PAWR: variants seen among roughly 807,000 people sequenced by gnomAD.
PAWR encodes PRKC apoptosis WT1 regulator protein.
PAWR carries 23 observed loss-of-function variants against 32.0 expected under a neutral mutation model. The observed-to-expected ratio is 0.72, with a 90% CI of 0.52 to 1.02. The LOEUF (loss-of-function observed/expected upper bound fraction) is 1.02. Among genes scored for constraint, PAWR ranks in the 50% least tolerant of loss-of-function variants. PAWR has a pLI of 0.00. For missense variants in PAWR, 457 were observed against 437.7 expected, an observed-to-expected ratio of 1.04 and a Z score of -0.39; for synonymous variants, 226 against 187.1, an observed-to-expected ratio of 1.21 and a Z score of -1.70.
chr12:79,651,158 G>A (rs1332189772), intron 2 of PAWR, among the ~76,000 whole-genome samples: 1 of 152,056 alleles, frequency 6.6e-6, no homozygotes, highest in Non-Finnish European at 1.5e-5. Context: ...CTAGTATCTA[G>A]GAAATGCATA....
intron 2 of PAWR, among the ~76,000 whole-genome samples, chr12:79,637,722 TCA>T (rs932351910): frequency 5.3e-5 from 8 of 151,684 alleles, no homozygotes; most frequent in African/African-American, 1.9e-4. Context: ...ACACCAACAC[TCA>T]CACACATACA....
At chr12:79,689,653 T>A in intron 2 of PAWR, 76 bp downstream of exon 2, 1 of 1,471,298 alleles carries the variant, frequency 6.8e-7, no homozygotes, top group Non-Finnish European at 9.0e-7. Flanking sequence ...GCGCCCCGGG[T>A]AGCTCCCAGG....
chr12:79,633,136 A>G (rs564821271), intron 2 of PAWR, among the ~76,000 whole-genome samples: 1 of 152,212 alleles, frequency 6.6e-6, no homozygotes, highest in East Asian at 1.9e-4. Context: ...AAAACAAACA[A>G]ACAAACAAAC....
intron 2 of PAWR, among the ~76,000 whole-genome samples, chr12:79,656,432 G>GC (rs760948343): frequency 6.6e-6 from 1 of 152,178 alleles, no homozygotes; most frequent in Non-Finnish European, 1.5e-5. Context: ...GTGAATGGAT[G>GC]CGTAACATGG....
chr12:79,601,061 G>GA (rs1873942668), intron 4 of PAWR, among the ~76,000 whole-genome samples: 1 of 152,048 alleles, frequency 6.6e-6, no homozygotes, highest in Non-Finnish European at 1.5e-5. Flanking sequence ...AGAGAAGGTT[G>GA]AAACGTAAAA....
At position 79,587,153 on chromosome 12, in the gene PAWR, G is replaced by A. The variant is rs186129572; in HGVS notation, c.*5454C>T. 6.6e-6 allele frequency: 1 copy of A among 152,150 alleles called. No homozygotes were observed. The highest frequency in any genetic ancestry group is 6.5e-5 in the Admixed American group (1 of 15,276). The allele number at this position is 152,150 out of a possible 1,614,324, so 9.4% of individuals were successfully genotyped here. A position where few individuals can be genotyped will look rare whatever the true frequency, so the allele number is the denominator to read the frequency against. ...GGTTCCATTTCATGTAAGATTATGT[G>A]ACCTTGGAAAAATTTACTGGCTTGC... On this transcript the variant is annotated 3_prime_UTR_variant, in exon 7 of 7. Transcript: ENST00000328827.
intron 2 of PAWR, among the ~76,000 whole-genome samples, chr12:79,653,049 G>C (rs1002395614): frequency 1.3e-5 from 2 of 152,068 alleles, no homozygotes; most frequent in Non-Finnish European, 2.9e-5. Context: ...TTATTTGTTT[G>C]TTTGTTTTTT....
At chr12:79,596,158 A>C (rs1261420022) in intron 5 of PAWR, among the ~76,000 whole-genome samples, 1 of 152,200 alleles carries the variant, frequency 6.6e-6, no homozygotes, top group African/African-American at 2.4e-5. Context: ...ATTTATGCCA[A>C]GAGTCATCTG....
At chr12:79,600,678 C>T (rs1027535391) in intron 4 of PAWR, among the ~76,000 whole-genome samples, 6 of 120,880 alleles carry the variant, frequency 5.0e-5, no homozygotes, top group Non-Finnish European at 4.8e-5. Flanking sequence ...TTTGTAGAGA[C>T]GTGTCTTACT....
At chr12:79,610,306 CTG>C (rs1340409346) in intron 4 of PAWR, among the ~76,000 whole-genome samples, 1 of 152,156 alleles carries the variant, frequency 6.6e-6, no homozygotes, top group Non-Finnish European at 1.5e-5. Context: ...GTGAACAAAA[CTG>C]TATATAAGCA....
Position 79,623,352 on chromosome 12 carries a change from T to G in PAWR, c.517-2145A>C, listed in dbSNP as rs564017603. 5.9e-5 allele frequency among the ~76,000 whole-genome samples: 9 copies of G among 152,310 alleles called. No individual in the cohort carries two copies. In the East Asian group the frequency reaches 1.7e-3, roughly 29 times the overall value. On this transcript the variant is annotated intron_variant, in intron 2 of 6. Transcript: ENST00000328827. ...TAAAGTAAAATCAGACTCAAGACAT[T>G]GATGTCCACTATTAACATAATTGTT...
chr12:79,598,505 T>A (rs1189444500), intron 4 of PAWR, among the ~76,000 whole-genome samples: 1 of 152,220 alleles, frequency 6.6e-6, no homozygotes, highest in African/African-American at 2.4e-5. Context: ...CCATTTCCAA[T>A]AATTTATCCA....
At chr12:79,601,207 ATTTTTTTTTTT>A (rs534042888) in intron 4 of PAWR, among the ~76,000 whole-genome samples, 3 of 118,492 alleles carry the variant, frequency 2.5e-5, no homozygotes, top group Non-Finnish European at 5.1e-5. Context: ...GGAAACCTGA[ATTTTTTTTTTT>A]TTTTTTTTTT....
At chr12:79,653,090 C>A (rs988599273) in intron 2 of PAWR, among the ~76,000 whole-genome samples, 12 of 152,158 alleles carry the variant, frequency 7.9e-5, no homozygotes, top group African/African-American at 2.9e-4. Flanking sequence ...GTTGCCCGGG[C>A]TGGAGTGCAA....
chr12:79,656,978 A>AG (rs1443974219), intron 2 of PAWR, among the ~76,000 whole-genome samples: 1 of 152,160 alleles, frequency 6.6e-6, no homozygotes, highest in East Asian at 1.9e-4. Flanking sequence ...AGTTCTGAAG[A>AG]GGAAAAAAAC....
intron 2 of PAWR, among the ~76,000 whole-genome samples, chr12:79,686,772 A>G (rs1878699321): frequency 6.6e-6 from 1 of 152,204 alleles, no homozygotes; most frequent in Admixed American, 6.5e-5. Flanking sequence ...AGCTTCTCCC[A>G]GCCCAATCAT....
At chr12:79,613,683 T>C (rs1874543233) in intron 3 of PAWR, 74 bp from the exon 4 acceptor site, 5 of 716,518 alleles carry the variant, frequency 7.0e-6, no homozygotes, top group East Asian at 2.7e-5. Flanking sequence ...AAATAGTTGA[T>C]AGAGAATACC....
At chr12:79,622,444 C>T (rs1875069608) in intron 2 of PAWR, among the ~76,000 whole-genome samples, 2 of 152,136 alleles carry the variant, frequency 1.3e-5, no homozygotes, top group South Asian at 4.1e-4. Flanking sequence ...TCTCCTAACG[C>T]TATCCCTCCC....
intron 2 of PAWR, among the ~76,000 whole-genome samples, chr12:79,624,365 T>C (rs1875176354): frequency 6.6e-6 from 1 of 152,104 alleles, no homozygotes; most frequent in African/African-American, 2.4e-5. Context: ...AAATGTTTCA[T>C]AAAACAATGA....
Sources: gnomAD v4.1 joint callset for allele counts (sites outside exome capture counted in the v4.1 genomes callset) on GRCh38, gnomAD v4.1.1 for gene constraint, MANE v1.5 for transcripts, NCBI Gene and HGNC (gene_info 2026-07-23, HGNC 2026-07-21) for gene names.